DST: variants seen among roughly 807,000 people sequenced by gnomAD.
DST encodes dystonin.
Under a neutral mutation model 875.2 loss-of-function variants are expected in DST, and 253 were observed. The ratio of observed to expected loss-of-function variants is 0.29; its 90% CI spans 0.26 to 0.32. DST has a LOEUF of 0.32. DST is among the 10% of genes least tolerant of loss of function. The pLI is 1.00. For synonymous variants in DST, 3,124 were observed against 3,197.1 expected, an observed-to-expected ratio of 0.98 and a Z score of 0.77; for missense variants, 8,287 against 9,111.6, an observed-to-expected ratio of 0.91 and a Z score of 3.68.
chr6:56,524,457 A>G (rs1288465360), intron 69 of DST, among the ~76,000 whole-genome samples: 1 of 152,138 alleles, frequency 6.6e-6, no homozygotes, highest in African/African-American at 2.4e-5. Flanking sequence ...TTCTCTATAT[A>G]TAATTTATGA....
intron 64 of DST, among the ~76,000 whole-genome samples, chr6:56,531,004 C>T (rs140946448): frequency 0.043 from 6,521 of 152,198 alleles, 166 homozygotes; most frequent in African/African-American, 0.068. Context: ...AAGGGAATTA[C>T]AGAAAATTGG....
chr6:56,600,026 C>T (rs567231729), intron 45 of DST, 43 bp downstream of exon 45: 1 of 1,531,386 alleles, frequency 6.5e-7, no homozygotes, highest in Admixed American at 1.9e-5. Flanking sequence ...AGTAATCGAA[C>T]ATAACATCAA....
At chr6:56,621,034 G>A (rs2098687121) in intron 36 of DST, among the ~76,000 whole-genome samples, 1 of 152,222 alleles carries the variant, frequency 6.6e-6, no homozygotes, top group Non-Finnish European at 1.5e-5. Context: ...GGAGAAACGA[G>A]GAGGACAGAT....
At chr6:56,892,643 C>T (rs561701060) in intron 3 of DST, among the ~76,000 whole-genome samples, 2 of 152,118 alleles carry the variant, frequency 1.3e-5, no homozygotes, top group African/African-American at 2.4e-5. Flanking sequence ...TATTTTAAAG[C>T]CCAACTCAAT....
At chr6:56,610,600 C>A (rs763330650) in intron 38 of DST, 38 bp from the exon 39 acceptor site, 3 of 1,528,698 alleles carry the variant, frequency 2.0e-6, no homozygotes, top group South Asian at 2.6e-5. Context: ...TAATGCAAGT[C>A]GTCCTCAAGA....
At chr6:56,669,118 C>T (rs948929193) in intron 10 of DST, among the ~76,000 whole-genome samples, 3 of 151,716 alleles carry the variant, frequency 2.0e-5, no homozygotes, top group Admixed American at 1.3e-4. Context: ...TTTAAGAGAA[C>T]GAGAAAGTAA....
intron 49 of DST, among the ~76,000 whole-genome samples, chr6:56,581,326 G>C (rs1409146957): frequency 6.6e-6 from 1 of 151,700 alleles, no homozygotes; most frequent in Admixed American, 6.6e-5. Context: ...GTGATGGGGA[G>C]AGAAGAAAAA....
At chr6:56,704,549 G>C (rs897610515) in intron 5 of DST, among the ~76,000 whole-genome samples, 180 bp from the exon 6 acceptor site, 1 of 152,182 alleles carries the variant, frequency 6.6e-6, no homozygotes, top group Admixed American at 6.5e-5. Context: ...ACTTAAAAAA[G>C]TGAATTTCAG....
At position 56,851,460 on chromosome 6, in the gene DST, T is replaced by G. The variant is rs368947076; in HGVS notation, c.562A>C (p.Lys188Gln). Residue 188 changes from lysine (K) to glutamine (Q), a missense_variant, in exon 4 of 104, where the codon AAA becomes CAA. Physicochemically the swap from Lys to Gln is moderately conservative, Grantham distance 53. Around this residue, in one of 10 missense-constraint regions of DST, gnomAD observed 1,160 missense variants for 1,424.3 expected, o/e 0.81. Coordinates refer to ENST00000680361, the MANE Select transcript of DST (RefSeq NM_001374736.1). ...ACTGAGCCCCCTTGAATCTTTCTTT[T>G]CGATCTCTCATGTTTAGGCAAATTC... ...PWNLPKHERSKRKIQGGSVLD... is the reference protein window; with the variant it reads ...PWNLPKHERSQRKIQGGSVLD... The G allele has an allele frequency of 4.0e-5, 65 of 1,613,922 alleles. No homozygotes were observed. Among genetic ancestry groups the G allele is most frequent in the Non-Finnish European group, 5.4e-5 (64 of 1,179,904 alleles).
At chr6:56,752,474 C>T (rs1334374688) in intron 4 of DST, among the ~76,000 whole-genome samples, 1 of 152,202 alleles carries the variant, frequency 6.6e-6, no homozygotes, top group Non-Finnish European at 1.5e-5. Context: ...TCTTGTGCCT[C>T]TTTGCCATTA....
Position 56,472,100 on chromosome 6 carries a change from T to C in DST, c.22117A>G (p.Arg7373Gly), listed in dbSNP as rs1306905382. The part of the protein sequence containing the change: ...WQQVWLLALE[R>G]RRKLNDALDR... ...AAGGCATCATTGAGTTTCCTCCTTCTTTCCAACGCCAGGAGCCAGACTTGC... is the reference window on the plus strand; with the variant it reads ...AAGGCATCATTGAGTTTCCTCCTTCCTTCCAACGCCAGGAGCCAGACTTGC... Residue 7373 changes from arginine to glycine, a missense_variant, in exon 94 of 104, where the codon AGA becomes GGA. Physicochemically the swap from Arg to Gly is moderately radical, Grantham distance 125. Coordinates refer to ENST00000680361, the MANE Select transcript of DST (RefSeq NM_001374736.1). 1.9e-6 allele frequency: 3 copies of C among 1,613,964 alleles called. No individual in the cohort carries two copies. The highest frequency in any genetic ancestry group is 3.3e-4 in the Middle Eastern group (2 of 6,060).
chr6:56,478,220 A>G (rs1019537504), intron 90 of DST, among the ~76,000 whole-genome samples: 2 of 152,236 alleles, frequency 1.3e-5, no homozygotes, highest in Admixed American at 1.3e-4. Flanking sequence ...TAACTATGCC[A>G]GGAAATATGG....
intron 83 of DST, among the ~76,000 whole-genome samples, chr6:56,493,493 GT>G (rs1331995318): frequency 2.0e-5 from 3 of 151,576 alleles, no homozygotes; most frequent in African/African-American, 4.8e-5. Context: ...CTTGCCTATT[GT>G]TTTTTTCATG....
chr6:56,651,969 T>C (rs558044028), intron 10 of DST, among the ~76,000 whole-genome samples: 8 of 152,338 alleles, frequency 5.3e-5, no homozygotes, highest in South Asian at 4.1e-4. Context: ...TAAAGAATGA[T>C]ATATAGTACA....
rs1275662424 is a variant in DST at position 56,470,266 on chromosome 6, G to A, written c.22338C>T (p.Arg7446=). 1 of 1,604,614 alleles carries A rather than the reference G, an allele frequency of 6.2e-7. No individual in the cohort carries two copies. Among genetic ancestry groups the A allele is most frequent in the Non-Finnish European group, 8.5e-7 (1 of 1,174,624 alleles). Residue 7446 remains arginine (R), a synonymous_variant, in exon 96 of 104, where the codon CGC becomes CGT. Transcript: ENST00000680361. ...GILSSKFPTS[R]LEMSAVADIF... ...TGTCTGCAACTGCGCTCATCTCCAAGCGACTGGTTGGAAACTCTAAAATTT... is the reference window on the plus strand; with the variant it reads ...TGTCTGCAACTGCGCTCATCTCCAAACGACTGGTTGGAAACTCTAAAATTT...
chr6:56,840,326 C>T (rs991722655), intron 4 of DST, among the ~76,000 whole-genome samples: 4 of 152,026 alleles, frequency 2.6e-5, no homozygotes, highest in South Asian at 2.1e-4. Flanking sequence ...TTGTATTACA[C>T]GGTATATACA....
chr6:56,608,250 C>T lies in DST; in HGVS notation c.6378G>A (p.Gln2126=). The T allele has an allele frequency of 1.2e-6, 2 of 1,613,678 alleles. No individual in the cohort carries two copies. Among genetic ancestry groups the T allele is most frequent in the Non-Finnish European group, 1.7e-6 (2 of 1,179,764 alleles). Residue 2126 remains glutamine, a synonymous_variant, in exon 40 of 104, where the codon CAG becomes CAA. Coordinates refer to ENST00000680361, the MANE Select transcript of DST (RefSeq NM_001374736.1). ...SQVIGLDAAK[Q]LGIIDNNTAS... is the part of the protein sequence containing the mutation. ...CTGTGTTGTTGTCTATAATTCCTAG[C>T]TGTTTAGCAGCATCCAAACCAATGA...
At chr6:56,904,795 A>G (rs1795632769) in intron 2 of DST, among the ~76,000 whole-genome samples, 1 of 151,946 alleles carries the variant, frequency 6.6e-6, no homozygotes, top group African/African-American at 2.4e-5. Flanking sequence ...AATAAGAGTT[A>G]CTCTTTTTCT....
intron 4 of DST, among the ~76,000 whole-genome samples, chr6:56,745,219 G>A (rs1589530070): frequency 2.6e-5 from 4 of 152,156 alleles, no homozygotes; most frequent in Admixed American, 6.5e-5. Flanking sequence ...TTATTTCCAC[G>A]TAATTTCTTA....
Sources: allele counts gnomAD v4.1 joint callset (sites outside exome capture counted in the v4.1 genomes callset), GRCh38; gene constraint gnomAD v4.1.1; regional missense constraint gnomAD v4.1.1; transcripts MANE v1.5; gene names NCBI Gene and HGNC (gene_info 2026-07-23, HGNC 2026-07-21).